Variants in PLCE1 observed in about 807,000 individuals in gnomAD.
PLCE1 encodes 1-phosphatidylinositol 4,5-bisphosphate phosphodiesterase epsilon-1.
PLCE1 carries 119 observed loss-of-function variants against 242.8 expected under a neutral mutation model. The ratio of observed to expected loss-of-function variants is 0.49; its 90% confidence interval spans 0.42 to 0.57. The LOEUF (loss-of-function observed/expected upper bound fraction) is 0.57. PLCE1 is among the 20% of genes least tolerant of loss of function. The probability of loss-of-function intolerance (pLI) is 0.00; values close to 1 mark genes in which losing one functional copy is unlikely to be tolerated. For synonymous variants in PLCE1, 945 were observed against 1,017.4 expected, an observed-to-expected ratio of 0.93 and a Z score of 1.35; for missense variants, 2,441 against 2,788.8, an observed-to-expected ratio of 0.88 and a Z score of 2.81.
chr10:94,248,985 A>T (rs2050782648), intron 8 of PLCE1, among the ~76,000 whole-genome samples: 1 of 152,214 alleles, frequency 6.6e-6, no homozygotes, highest in Non-Finnish European at 1.5e-5. Flanking sequence ...AGTTGCTGCT[A>T]GAACAGAGAC....
chr10:94,096,056 G>T (rs1461165312), intron 2 of PLCE1, among the ~76,000 whole-genome samples: 2 of 152,092 alleles, frequency 1.3e-5, no homozygotes, highest in Non-Finnish European at 2.9e-5. Flanking sequence ...TGACTTCATT[G>T]CCCATTCCCA....
intron 13 of PLCE1, among the ~76,000 whole-genome samples, chr10:94,262,084 G>A (rs949244545): frequency 2.7e-5 from 4 of 145,882 alleles, no homozygotes; most frequent in Admixed American, 1.4e-4. Flanking sequence ...CACTGCAACC[G>A]CCGCCTCCTG....
chr10:94,260,357 A>G lies in PLCE1; in HGVS notation c.3814+1207A>G, dbSNP rs527404661. On this transcript the variant is annotated intron_variant, in intron 13 of 32. Transcript: ENST00000371380. The stretch of plus-strand genomic sequence containing the variant: ...ACCACCACCATTACTATCACCACCC[A>G]TGCATTTTCTAACCACTTATGCATT... 1.3e-3 allele frequency among the ~76,000 whole-genome samples: 195 copies of G among 152,248 alleles called. 11 individuals carry two copies. In the South Asian group the frequency reaches 0.039, roughly 31 times the overall value.
chr10:94,095,775 A>T lies in PLCE1; in HGVS notation c.1207-36399A>T, dbSNP rs74151033. 8.5e-4 allele frequency among the ~76,000 whole-genome samples: 130 copies of T among 152,288 alleles called. 1 individual carries two copies. Among genetic ancestry groups the T allele is most frequent in the African/African-American group, 3.1e-3 (127 of 41,556 alleles). On this transcript the variant is annotated intron_variant, in intron 2 of 32. Transcript: ENST00000371380. Reference sequence around the variant, plus strand: ...GGGTGGTGTCTTCCTCACTTTACAGATGAGGACCAGGCCTGATTTTATACA... The same window carrying T: ...GGGTGGTGTCTTCCTCACTTTACAGTTGAGGACCAGGCCTGATTTTATACA...
chr10:94,174,581 A>C (rs910334484), intron 4 of PLCE1, among the ~76,000 whole-genome samples: 9 of 152,198 alleles, frequency 5.9e-5, no homozygotes, highest in Non-Finnish European at 1.3e-4. Flanking sequence ...TAACATGATT[A>C]GTAATGAGAC....
At chr10:94,291,258 G>C (rs1237274730) in intron 22 of PLCE1, among the ~76,000 whole-genome samples, 2 of 152,084 alleles carry the variant, frequency 1.3e-5, no homozygotes, top group African/African-American at 4.8e-5. Context: ...CAAGTCGCTG[G>C]GACTACTGGT....
intron 2 of PLCE1, among the ~76,000 whole-genome samples, chr10:94,118,489 G>A (rs941641254): frequency 6.6e-6 from 1 of 152,210 alleles, no homozygotes; most frequent in Non-Finnish European, 1.5e-5. Context: ...GAGGGACCCA[G>A]TGGGGGATGA....
At chr10:94,327,841 A>G in intron 32 of PLCE1, 127 bp from the exon 33 acceptor site, 1 of 328,434 alleles carries the variant, frequency 3.0e-6, no homozygotes. Context: ...GTACAGAGGA[A>G]ACAGTCTCTT....
chr10:94,158,201 T>C (rs1462094539), intron 3 of PLCE1, among the ~76,000 whole-genome samples: 1 of 152,204 alleles, frequency 6.6e-6, no homozygotes, highest in African/African-American at 2.4e-5. Context: ...ATTGCCTGCT[T>C]ATGCTGAGTT....
intron 2 of PLCE1, among the ~76,000 whole-genome samples, chr10:94,123,325 G>A (rs11187790): frequency 1.8e-4 from 27 of 152,184 alleles, no homozygotes; most frequent in Non-Finnish European, 2.2e-4. Context: ...TTCCCCTGAA[G>A]TGATAAAGGT....
chr10:94,272,591 A>G (rs1474782621), intron 18 of PLCE1, among the ~76,000 whole-genome samples: 1 of 152,204 alleles, frequency 6.6e-6, no homozygotes, highest in Non-Finnish European at 1.5e-5. Flanking sequence ...AAAGACAGGC[A>G]TAAGAAATTA....
intron 2 of PLCE1, among the ~76,000 whole-genome samples, chr10:94,109,417 G>A (rs777847131): frequency 6.6e-6 from 1 of 152,086 alleles, no homozygotes; most frequent in Non-Finnish European, 1.5e-5. Flanking sequence ...AGACCAGCCT[G>A]GCCAACATAG....
intron 2 of PLCE1, among the ~76,000 whole-genome samples, chr10:94,087,224 C>T (rs1474581935): frequency 6.6e-6 from 1 of 151,378 alleles, no homozygotes; most frequent in Non-Finnish European, 1.5e-5. Context: ...GTGGCTTGCA[C>T]CTGTGGTCCT....
chr10:94,322,525 C>T (rs1394856588), intron 30 of PLCE1, among the ~76,000 whole-genome samples: 1 of 152,166 alleles, frequency 6.6e-6, no homozygotes, highest in Non-Finnish European at 1.5e-5. Flanking sequence ...GGGTTCACGC[C>T]TGTAATCCCA....
intron 3 of PLCE1, among the ~76,000 whole-genome samples, chr10:94,164,794 G>A (rs1165504071): frequency 2.0e-5 from 3 of 152,166 alleles, no homozygotes; most frequent in Admixed American, 2.0e-4. Flanking sequence ...TTGATGATGT[G>A]ACGTACAGAT....
chr10:94,137,879 T>G, intron 3 of PLCE1: 1 of 300,976 alleles, frequency 3.3e-6, no homozygotes, highest in South Asian at 4.0e-5. Context: ...CAGTCTCCAC[T>G]GAAAAATGAA....
chr10:94,159,517 T>A (rs1163293642), intron 3 of PLCE1, among the ~76,000 whole-genome samples: 1 of 152,186 alleles, frequency 6.6e-6, no homozygotes, highest in African/African-American at 2.4e-5. Context: ...AAATGTGCAA[T>A]TGAGAATCTA....
At chr10:94,047,322 G>T (rs555266803) in intron 2 of PLCE1, among the ~76,000 whole-genome samples, 1 of 152,160 alleles carries the variant, frequency 6.6e-6, no homozygotes, top group Non-Finnish European at 1.5e-5. Context: ...CCTGCCAGGG[G>T]CCAGAATTGC....
At chr10:94,067,973 A>G (rs2044243968) in intron 2 of PLCE1, among the ~76,000 whole-genome samples, 1 of 152,174 alleles carries the variant, frequency 6.6e-6, no homozygotes, top group Non-Finnish European at 1.5e-5. Context: ...CACTCCTAAG[A>G]TAGGGGCTGA....
Sources: gnomAD v4.1 joint callset for allele counts (sites outside exome capture counted in the v4.1 genomes callset) on GRCh38, gnomAD v4.1.1 for gene constraint, MANE v1.5 for transcripts, NCBI Gene and HGNC (gene_info 2026-07-23, HGNC 2026-07-21) for gene names.